Variants in KDM4B observed in about 807,000 individuals in gnomAD.
KDM4B encodes the protein lysine demethylase 4B.
A neutral mutation model predicts 125.2 loss-of-function variants in KDM4B; 32 were observed. The ratio of observed to expected loss-of-function variants is 0.26; its 90% CI spans 0.19 to 0.34. The LOEUF (loss-of-function observed/expected upper bound fraction) is 0.34. Among genes scored for constraint, KDM4B ranks in the 10% least tolerant of loss-of-function variants. KDM4B has a pLI of 1.00. For missense variants in KDM4B, 1,190 were observed against 1,577.7 expected (o/e 0.75, Z 4.16); for synonymous variants, 721 against 677.9 (o/e 1.06, Z -0.99).
intron 6 of KDM4B, among the ~76,000 whole-genome samples, chr19:5,063,902 C>T (rs777323942): frequency 6.6e-5 from 10 of 152,316 alleles, no homozygotes; most frequent in Middle Eastern, 3.4e-3. Context: ...TGGCCCGGCT[C>T]GTCTTTAGCT....
Position 5,035,355 on chromosome 19 carries a change from G to T in KDM4B, c.141+2324G>T, listed in dbSNP as rs150130904. On this transcript the variant is annotated intron_variant, in intron 3 of 22. Transcript: ENST00000159111. The surrounding 1 kb of genome is among the most constrained non-coding windows in gnomAD (Gnocchi z 5.3). The stretch of plus-strand genomic sequence containing the variant: ...GCGTCCTGATGTCAGGACGTTGAGG[G>T]GAATCAGCATCTCAGACCGCCCTGC... Among the ~76,000 whole-genome samples, 161 of 151,908 alleles carry T rather than the reference G, an allele frequency of 1.1e-3. No homozygotes were observed. The highest frequency in any genetic ancestry group is 3.7e-3 in the African/African-American group (155 of 41,462).
chr19:5,121,449 A>C (rs1376502915), intron 11 of KDM4B, among the ~76,000 whole-genome samples: 1 of 152,172 alleles, frequency 6.6e-6, no homozygotes, highest in Admixed American at 6.5e-5. Context: ...GAGAAGCAGC[A>C]AGCAAGTCTA....
intron 9 of KDM4B, among the ~76,000 whole-genome samples, chr19:5,089,324 C>T (rs137870196): frequency 4.6e-5 from 7 of 152,244 alleles, no homozygotes; most frequent in African/African-American, 7.2e-5. Context: ...TGTGGCCTAG[C>T]GGTTCTGTCT....
intron 21 of KDM4B, among the ~76,000 whole-genome samples, chr19:5,146,939 CAAAAAAA>C (rs1182135277): frequency 3.3e-5 from 2 of 60,556 alleles, no homozygotes; most frequent in African/African-American, 1.4e-4. Flanking sequence ...ACCCTGTCTC[CAAAAAAA>C]AAAAAAAAAA....
chr19:5,077,301 G>A (rs1433431133), intron 7 of KDM4B, 66 bp from the exon 8 acceptor site: 13 of 1,373,864 alleles, frequency 9.5e-6, no homozygotes, highest in East Asian at 4.6e-5. Context: ...TGCCCAGAGG[G>A]CAGCATCCTC....
At chr19:5,148,229 C>A (rs1329838171) in intron 21 of KDM4B, among the ~76,000 whole-genome samples, 2 of 152,228 alleles carry the variant, frequency 1.3e-5, no homozygotes, top group Admixed American at 1.3e-4. Context: ...GCAAACGCCG[C>A]CTTCAGAACT....
At chr19:5,091,968 T>G (rs1457124661) in intron 9 of KDM4B, among the ~76,000 whole-genome samples, 1 of 152,170 alleles carries the variant, frequency 6.6e-6, no homozygotes, top group African/African-American at 2.4e-5. Flanking sequence ...TCCCTGTCAC[T>G]CTGACCCTGG....
chr19:5,130,920 G>C lies in KDM4B; in HGVS notation c.1316-156G>C, dbSNP rs575750469. On this transcript the variant is annotated intron_variant, in intron 11 of 22. Coordinates refer to ENST00000159111, the MANE Select transcript of KDM4B (RefSeq NM_015015.3). ...CCCCTGCGGTGATCTGAGGTGGCCC[G>C]AAGCCTGTGTTCTCTGCCCACCCAT... Among the ~76,000 whole-genome samples, 114 of 152,370 alleles carry C rather than the reference G, an allele frequency of 7.5e-4. 1 individual carries two copies. The highest frequency in any genetic ancestry group is 2.6e-3 in the African/African-American group (108 of 41,594).
rs1599497506 is a variant in KDM4B at position 5,047,757 on chromosome 19, C to T, written c.626+88C>T. 8.8e-6 allele frequency: 12 copies of T among 1,369,030 alleles called. No homozygotes were observed. The East Asian group carries it at 2.8e-4, about 32-fold the overall frequency. 84.8% of individuals were successfully genotyped at this position (1,369,030 alleles called of 1,614,324 possible). ...CCGGGTACACGGCTGGGCGCCGTGG[C>T]AGGGGCCCCACCAGGTGAGGCCGCA... On this transcript the variant is annotated intron_variant, in intron 6 of 22. Transcript: ENST00000159111.
intron 21 of KDM4B, among the ~76,000 whole-genome samples, chr19:5,148,766 G>A (rs1055233459): frequency 1.1e-4 from 17 of 152,202 alleles, no homozygotes; most frequent in African/African-American, 2.9e-4. Context: ...ATCGCTTTCC[G>A]GGGTGCTGGG....
intron 18 of KDM4B, among the ~76,000 whole-genome samples, chr19:5,139,357 G>A (rs2039702270): frequency 6.6e-6 from 1 of 151,532 alleles, no homozygotes; most frequent in African/African-American, 2.4e-5. Context: ...CGATGTCTCT[G>A]CCTTCAGGCT....
At chr19:5,009,792 C>T (rs997539246) in intron 1 of KDM4B, among the ~76,000 whole-genome samples, 14 of 151,832 alleles carry the variant, frequency 9.2e-5, no homozygotes, top group African/African-American at 2.4e-4. Context: ...AGTGCAGGGG[C>T]GCCATCTTGG....
chr19:4,999,955 A>C (rs1599384257), intron 1 of KDM4B, among the ~76,000 whole-genome samples: 2 of 119,914 alleles, frequency 1.7e-5, no homozygotes, highest in Non-Finnish European at 3.4e-5. Flanking sequence ...CCATCCATCC[A>C]CCCATTTACT....
chr19:5,083,630 T>C (rs1177211653), intron 9 of KDM4B, among the ~76,000 whole-genome samples: 1 of 152,182 alleles, frequency 6.6e-6, no homozygotes, highest in Admixed American at 6.5e-5. Flanking sequence ...GGCTGCTGTT[T>C]CTGGGCAGCA....
intron 15 of KDM4B, 152 bp from the exon 16 acceptor site, chr19:5,137,110 G>T (rs570476267): frequency 2.6e-5 from 16 of 625,080 alleles, no homozygotes; most frequent in Non-Finnish European, 4.1e-5. Context: ...GGAACAGCAC[G>T]CACCCTGAAT....
chr19:5,062,722 G>A (rs1480664396), intron 6 of KDM4B, among the ~76,000 whole-genome samples: 1 of 140,616 alleles, frequency 7.1e-6, no homozygotes, highest in Non-Finnish European at 1.6e-5. Flanking sequence ...AGTTTTACCA[G>A]TTTCTTTGTT....
intron 18 of KDM4B, chr19:5,138,319 AG>A (rs2039684777): frequency 5.6e-6 from 3 of 531,764 alleles, no homozygotes; most frequent in Non-Finnish European, 3.4e-6. Context: ...AGGCCCCGTC[AG>A]GTGTGGCCTT....
At chr19:5,137,523 G>A in intron 16 of KDM4B, 98 bp from the exon 17 acceptor site, 3 of 1,323,124 alleles carry the variant, frequency 2.3e-6, no homozygotes, top group Non-Finnish European at 2.1e-6. Flanking sequence ...TGAAATATAA[G>A]GGCCGTGGGC....
At chr19:5,062,294 A>C (rs1006387090) in intron 6 of KDM4B, among the ~76,000 whole-genome samples, 14 of 152,078 alleles carry the variant, frequency 9.2e-5, no homozygotes, top group Non-Finnish European at 1.6e-4. Context: ...TAACATCTTT[A>C]TCTCTCCAGA....
Sources: gnomAD v4.1 joint callset for allele counts (sites outside exome capture counted in the v4.1 genomes callset) on GRCh38, gnomAD v4.1.1 for gene constraint, Gnocchi (gnomAD v3.1) non-coding constraint, MANE v1.5 for transcripts, NCBI Gene and HGNC (gene_info 2026-07-23, HGNC 2026-07-21) for gene names.